Variants in PLD5 observed in about 807,000 individuals in gnomAD.
PLD5 encodes inactive phospholipase D5.
PLD5 carries 36 observed loss-of-function variants against 61.1 expected under a neutral mutation model. That is an observed-to-expected ratio of 0.59 (90% CI 0.45 to 0.78). PLD5 has a LOEUF of 0.78. Among genes scored for constraint, PLD5 ranks in the 30% least tolerant of loss-of-function variants. The pLI is 0.00. For missense variants in PLD5, 515 were observed against 644.4 expected (o/e 0.80, Z 2.17); for synonymous variants, 243 against 242.8 (o/e 1.00, Z -0.01).
intron 9 of PLD5, among the ~76,000 whole-genome samples, chr1:242,092,830 C>A (rs1659939481): frequency 6.6e-6 from 1 of 152,070 alleles, no homozygotes; most frequent in Non-Finnish European, 1.5e-5. Context: ...CATACCGAGT[C>A]CCTTTTCCAT....
chr1:242,284,013 C>T (rs1378386358), intron 3 of PLD5, among the ~76,000 whole-genome samples: 1 of 151,322 alleles, frequency 6.6e-6, no homozygotes, highest in Non-Finnish European at 1.5e-5. Flanking sequence ...CAGCAAGTAC[C>T]TGTTTCCTTT....
chr1:242,334,503 C>T (rs1041075663), intron 2 of PLD5, among the ~76,000 whole-genome samples: 1 of 152,144 alleles, frequency 6.6e-6, no homozygotes, highest in African/African-American at 2.4e-5. Context: ...GCCATGGAGG[C>T]ATGCAGCGTG....
At chr1:242,252,017 G>A (rs1672731045) in intron 4 of PLD5, among the ~76,000 whole-genome samples, 1 of 152,178 alleles carries the variant, frequency 6.6e-6, no homozygotes, top group African/African-American at 2.4e-5. Context: ...CTTATGGAGA[G>A]GAAAGATGTT....
intron 4 of PLD5, among the ~76,000 whole-genome samples, chr1:242,224,246 AAT>A (rs1024635430): frequency 6.6e-6 from 1 of 152,222 alleles, no homozygotes; most frequent in African/African-American, 2.4e-5. Flanking sequence ...AAATACAGAC[AAT>A]ATATAATAAA....
intron 1 of PLD5, among the ~76,000 whole-genome samples, chr1:242,415,680 A>T (rs7544070): frequency 0.44 from 67,263 of 151,414 alleles, 16,538 homozygotes; most frequent in African/African-American, 0.67. Flanking sequence ...GCCCGGCCAA[A>T]TTTTTTGTAT....
At chr1:242,512,255 CAA>C (rs55735206) in intron 1 of PLD5, among the ~76,000 whole-genome samples, 73 of 125,584 alleles carry the variant, frequency 5.8e-4, no homozygotes, top group East Asian at 9.5e-4. Flanking sequence ...ACTAAAAATA[CAA>C]AAAAAAAAAA....
chr1:242,391,301 T>C (rs1220153651), intron 1 of PLD5, among the ~76,000 whole-genome samples: 1 of 152,214 alleles, frequency 6.6e-6, no homozygotes, highest in African/African-American at 2.4e-5. Flanking sequence ...TGCAGTTTAG[T>C]ATGGGAGTTC....
At chr1:242,367,388 A>T (rs747559090) in intron 1 of PLD5, among the ~76,000 whole-genome samples, 49 of 152,208 alleles carry the variant, frequency 3.2e-4, no homozygotes, top group Admixed American at 2.3e-3. Context: ...ATGAGCTGGG[A>T]AACTGTATAT....
chr1:242,309,334 C>G (rs1448311413), intron 2 of PLD5, among the ~76,000 whole-genome samples: 4 of 150,820 alleles, frequency 2.7e-5, no homozygotes, highest in South Asian at 2.1e-4. Flanking sequence ...ACAACAACAA[C>G]AACAACAAAA....
chr1:242,273,459 C>T (rs940358861), intron 3 of PLD5, among the ~76,000 whole-genome samples: 2 of 152,064 alleles, frequency 1.3e-5, no homozygotes, highest in Non-Finnish European at 2.9e-5. Flanking sequence ...TATGAAGGGA[C>T]CTCTATATTA....
rs1308297394 is a variant in PLD5, at chr1:242,085,456, G to A, written c.*4398C>T. On this transcript the variant is annotated 3_prime_UTR_variant, in exon 10 of 10. Transcript: ENST00000536534. The stretch of plus-strand genomic sequence containing the variant: ...AATGAGAAAGACAGGCTGCGAACTG[G>A]GGTTGATGTCAGGGCTATTCAAAAG... The A allele has an allele frequency of 6.6e-6, 1 of 152,128 alleles. No homozygotes were observed. Among genetic ancestry groups the A allele is most frequent in the African/African-American group, 2.4e-5 (1 of 41,412 alleles). 9.4% of individuals were successfully genotyped at this position (152,128 alleles called of 1,614,324 possible).
rs961785721 is a variant in PLD5, at chr1:242,085,876, A to G, written c.*3978T>C. 8 of 48,830 alleles carry G rather than the reference A, an allele frequency of 1.6e-4. No homozygotes were observed. The highest frequency in any genetic ancestry group is 4.8e-4 in the African/African-American group (5 of 10,504). 3.0% of individuals were successfully genotyped at this position (48,830 alleles called of 1,614,324 possible). A position where few individuals can be genotyped will look rare whatever the true frequency, so the allele number is the denominator to read the frequency against. On this transcript the variant is annotated 3_prime_UTR_variant, in exon 10 of 10. Transcript: ENST00000536534. ...CACACACCAGTGGTCATACGTGTGG[A>G]AAAAAAAAAAAGTTAATTGTAGGAT...
At chr1:242,472,307 G>A (rs1287751144) in intron 1 of PLD5, among the ~76,000 whole-genome samples, 1 of 152,164 alleles carries the variant, frequency 6.6e-6, no homozygotes, top group Non-Finnish European at 1.5e-5. Flanking sequence ...GATGAATAAG[G>A]AGCACACTTT....
At chr1:242,494,648 T>C (rs908374856) in intron 1 of PLD5, among the ~76,000 whole-genome samples, 1 of 152,170 alleles carries the variant, frequency 6.6e-6, no homozygotes, top group African/African-American at 2.4e-5. Context: ...CCAAGGTTTA[T>C]TTTATGTTCC....
intron 1 of PLD5, among the ~76,000 whole-genome samples, chr1:242,508,272 C>A (rs570703797): frequency 2.9e-4 from 44 of 151,948 alleles, no homozygotes; most frequent in Non-Finnish European, 1.0e-4. Flanking sequence ...ACTTGAGAGG[C>A]TGAGGCAGGA....
At position 242,385,892 on chromosome 1, in the gene PLD5, T is replaced by C. The variant is rs374628748; in HGVS notation, c.190-37650A>G. Among the ~76,000 whole-genome samples the C allele has an allele frequency of 7.6e-4, 115 of 152,284 alleles. 1 individual carries two copies. Among genetic ancestry groups the C allele is most frequent in the Middle Eastern group, 3.4e-3 (1 of 294 alleles). Reference sequence around the variant, plus strand: ...CACTGAGTGTATTTCAAAGCTGCTGTAGTGAAATGCCATACACTGAGTGTA... The same window carrying C: ...CACTGAGTGTATTTCAAAGCTGCTGCAGTGAAATGCCATACACTGAGTGTA... On this transcript the variant is annotated intron_variant, in intron 1 of 9. Coordinates refer to ENST00000536534, the MANE Select transcript of PLD5 (RefSeq NM_001372062.1).
chr1:242,407,918 A>G (rs1395129956), intron 1 of PLD5, among the ~76,000 whole-genome samples: 2 of 152,138 alleles, frequency 1.3e-5, no homozygotes, highest in Non-Finnish European at 2.9e-5. Context: ...CAAAGAATAC[A>G]TATTTTTGCT....
rs1270242248 is a variant in PLD5 at position 242,089,867 on chromosome 1, G to T, written c.1598C>A (p.Pro533His). The T allele has an allele frequency of 6.2e-7, 1 of 1,614,120 alleles. No homozygotes were observed. Residue 533 changes from proline (P) to histidine (H), a missense_variant, in exon 10 of 10, where the codon CCC (proline) becomes CAC (histidine). Around this residue, in one of 2 missense-constraint regions of PLD5, gnomAD observed 450 missense variants for 598.1 expected, o/e 0.75. Transcript: ENST00000536534. ...TTCTTCATCATGTTATACGTTCCGG[G>T]GATCCTTTCCGCCTGTGTCGTCTGT... ...TATDDTGGKDPRNV is the reference protein window; with the variant it reads ...TATDDTGGKDHRNV
chr1:242,456,912 T>G (rs948691506), intron 1 of PLD5, among the ~76,000 whole-genome samples: 1 of 152,156 alleles, frequency 6.6e-6, no homozygotes, highest in Non-Finnish European at 1.5e-5. Context: ...TCCTTCCATA[T>G]GCGCAGTTGA....
Sources: gnomAD v4.1 joint callset for allele counts (sites outside exome capture counted in the v4.1 genomes callset) on GRCh38, gnomAD v4.1.1 for gene constraint, gnomAD v4.1.1 regional missense constraint, MANE v1.5 for transcripts, NCBI Gene and HGNC (gene_info 2026-07-23, HGNC 2026-07-21) for gene names.